The following SNX2 variants were observed in gnomAD, a reference collection of about 807,000 sequenced individuals.
SNX2 encodes sorting nexin 2.
SNX2 carries 25 observed loss-of-function variants against 69.9 expected under a neutral mutation model. The ratio of observed to expected loss-of-function variants is 0.36; its 90% CI spans 0.26 to 0.50. The LOEUF (loss-of-function observed/expected upper bound fraction) is 0.50. Among genes scored for constraint, SNX2 ranks in the 20% least tolerant of loss-of-function variants. SNX2 has a pLI of 0.97. For synonymous variants in SNX2, 229 were observed against 200.4 expected (o/e 1.14, Z -1.20); for missense variants, 551 against 613.3 (o/e 0.90, Z 1.07).
Position 122,815,899 on chromosome 5 carries a change from T to C in SNX2, c.726T>C (p.Tyr242=). 6.3e-7 allele frequency: 1 copy of C among 1,581,620 alleles called. No individual in the cohort carries two copies. The highest frequency in any genetic ancestry group is 8.6e-7 in the Non-Finnish European group (1 of 1,158,054). ...GCAATTTTACTCTTAAATCTAGGTA[T>C]CTTCAAAGAACAGTAAAACATCCAA... ...VEKRRAALER[Y]LQRTVKHPTL... Residue 242 remains tyrosine, a synonymous_variant, in exon 8 of 15, where the codon TAT becomes TAC. Coordinates refer to ENST00000379516, the MANE Select transcript of SNX2 (RefSeq NM_003100.4).
In SNX2 at chr5:122,831,314, G is replaced by C. The variant is rs376168906; in HGVS notation, c.*1666G>C. Among the ~76,000 whole-genome samples the C allele has an allele frequency of 6.6e-5, 10 of 152,062 alleles. No individual in the cohort carries two copies. In the East Asian group the frequency reaches 7.8e-4, roughly 12 times the overall value. ...CTGATACATAATAGGTTAATAATAA[G>C]GGCTTGATGGGCCAGGCACAGTGAC... On this transcript the variant is annotated 3_prime_UTR_variant, in exon 15 of 15. Coordinates refer to ENST00000379516, the MANE Select transcript of SNX2 (RefSeq NM_003100.4).
At chr5:122,781,266 T>C (rs1752975612) in intron 1 of SNX2, among the ~76,000 whole-genome samples, 1 of 152,210 alleles carries the variant, frequency 6.6e-6, no homozygotes, top group Admixed American at 6.5e-5. Context: ...AATCATAGAT[T>C]ATGAAACTTT....
chr5:122,825,192 AT>A (rs1449587571), intron 11 of SNX2, among the ~76,000 whole-genome samples: 1 of 152,094 alleles, frequency 6.6e-6, no homozygotes, highest in Non-Finnish European at 1.5e-5. Flanking sequence ...GGTTCACCCA[AT>A]TTATTAACAT....
At chr5:122,788,626 T>C (rs1219810438) in intron 1 of SNX2, among the ~76,000 whole-genome samples, 2 of 152,244 alleles carry the variant, frequency 1.3e-5, no homozygotes, top group African/African-American at 4.8e-5. Flanking sequence ...ACTAACACTT[T>C]GCTCTTCAAT....
At chr5:122,806,142 G>GCACGCGCGCACACACACACACACACCCA (rs1554063175) in intron 6 of SNX2, among the ~76,000 whole-genome samples, 1 of 130,584 alleles carries the variant, frequency 7.7e-6, no homozygotes, top group African/African-American at 2.9e-5. Flanking sequence ...ACACGCGCGC[G>GCACGCGCGCACACACACACACACACCCA]CACACACACA....
At chr5:122,806,134 ACG>A (rs1554063147) in intron 6 of SNX2, among the ~76,000 whole-genome samples, 13 of 121,368 alleles carry the variant, frequency 1.1e-4, no homozygotes, top group South Asian at 2.8e-4. Flanking sequence ...ATATATACAC[ACG>A]CGCGCGCACA....
intron 2 of SNX2, among the ~76,000 whole-genome samples, chr5:122,797,265 C>G (rs1753401604): frequency 6.6e-6 from 1 of 152,062 alleles, no homozygotes; most frequent in African/African-American, 2.4e-5. Flanking sequence ...ACCTAGCAGT[C>G]TATACTAAAT....
In SNX2 at chr5:122,831,651, C is replaced by G. The variant is rs1406227662; in HGVS notation, c.*2003C>G. 6.6e-6 allele frequency among the ~76,000 whole-genome samples: 1 copy of G among 152,098 alleles called. No homozygotes were observed. Among genetic ancestry groups the G allele is most frequent in the Admixed American group, 6.5e-5 (1 of 15,270 alleles). ...ATATATCAGATGCTATCTTGTTGCT[C>G]CATTAATATTGAGCAAAAGATAGGC... is the stretch of plus-strand genomic sequence containing the variant. On this transcript the variant is annotated 3_prime_UTR_variant, in exon 15 of 15. Transcript: ENST00000379516.
At position 122,797,947 on chromosome 5, in the gene SNX2, A is replaced by G. The variant is rs113793935; in HGVS notation, c.227-1745A>G. ...AGCCTGTTAGTGTAAATAACACAAA[A>G]CTCAGTATCAGTAAAGTAAAATGTG... On this transcript the variant is annotated intron_variant, in intron 2 of 14. Transcript: ENST00000379516. Among the ~76,000 whole-genome samples, 657 of 152,308 alleles carry G rather than the reference A, an allele frequency of 4.3e-3. 5 individuals are homozygous for G. The highest frequency in any genetic ancestry group is 0.015 in the African/African-American group (625 of 41,564).
At chr5:122,807,413 C>T (rs1753682858) in intron 6 of SNX2, among the ~76,000 whole-genome samples, 1 of 152,136 alleles carries the variant, frequency 6.6e-6, no homozygotes, top group African/African-American at 2.4e-5. Context: ...CCTCATTTTC[C>T]CCAGCCCTAG....
At chr5:122,780,576 CTT>C (rs57210069) in intron 1 of SNX2, among the ~76,000 whole-genome samples, 7 of 116,884 alleles carry the variant, frequency 6.0e-5, no homozygotes, top group South Asian at 2.4e-4. Context: ...CTTTTCTTTT[CTT>C]TTTTTTTTTT....
intron 1 of SNX2, among the ~76,000 whole-genome samples, chr5:122,794,057 T>C (rs552570512): frequency 6.6e-6 from 1 of 152,186 alleles, no homozygotes; most frequent in South Asian, 2.1e-4. Context: ...ATTCCTGTGA[T>C]CCCAGCACTT....
At chr5:122,794,423 G>C (rs1392799481) in intron 1 of SNX2, among the ~76,000 whole-genome samples, 1 of 152,192 alleles carries the variant, frequency 6.6e-6, no homozygotes, top group Non-Finnish European at 1.5e-5. Context: ...AGAATAATTG[G>C]TCTTAATTCA....
At chr5:122,777,827 T>C (rs557547102) in intron 1 of SNX2, among the ~76,000 whole-genome samples, 51 of 152,232 alleles carry the variant, frequency 3.4e-4, no homozygotes, top group Non-Finnish European at 6.8e-4. Context: ...GTTTATCAGT[T>C]CTTTGTGTTG....
intron 1 of SNX2, among the ~76,000 whole-genome samples, chr5:122,778,149 G>T (rs1363334084): frequency 6.6e-6 from 1 of 152,154 alleles, no homozygotes; most frequent in Non-Finnish European, 1.5e-5. Flanking sequence ...CAAATGACAG[G>T]ATTTCATTCC....
chr5:122,804,251 A>G (rs78822415), intron 6 of SNX2, among the ~76,000 whole-genome samples: 1,609 of 151,860 alleles, frequency 0.011, 28 homozygotes, highest in African/African-American at 0.037. Context: ...ATATGTTAAC[A>G]TTTTTCTAAG....
intron 6 of SNX2, among the ~76,000 whole-genome samples, chr5:122,806,267 T>C (rs996476869): frequency 6.6e-6 from 1 of 152,006 alleles, no homozygotes; most frequent in East Asian, 1.9e-4. Flanking sequence ...AATAGTAATA[T>C]GAAGCCAAGC....
intron 14 of SNX2, among the ~76,000 whole-genome samples, chr5:122,829,087 G>A (rs1010337252): frequency 2.0e-5 from 3 of 151,956 alleles, no homozygotes; most frequent in Non-Finnish European, 2.9e-5. Context: ...ATTGCACTCC[G>A]GTCTGGGCAA....
At chr5:122,797,757 G>T (rs185543955) in intron 2 of SNX2, among the ~76,000 whole-genome samples, 44 of 152,230 alleles carry the variant, frequency 2.9e-4, no homozygotes, top group Non-Finnish European at 2.1e-4. Context: ...AATCTTTACA[G>T]TTAGCACCTA....
Sources: gnomAD v4.1 joint callset for allele counts (sites outside exome capture counted in the v4.1 genomes callset) on GRCh38, gnomAD v4.1.1 for gene constraint, MANE v1.5 for transcripts, NCBI Gene and HGNC (gene_info 2026-07-23, HGNC 2026-07-21) for gene names.